OSBPL2: variants seen among roughly 807,000 people sequenced by gnomAD.
The protein encoded by OSBPL2 is oxysterol binding protein like 2, also known as oxysterol-binding protein-related protein 2.
In OSBPL2, 18 loss-of-function variants were observed where a neutral mutation model predicts 58.4. That is an observed-to-expected ratio of 0.31 (90% CI 0.21 to 0.46). The LOEUF (loss-of-function observed/expected upper bound fraction) is 0.46. Ranked by LOEUF, OSBPL2 falls within the 20% of genes least tolerant of loss-of-function variation. OSBPL2 has a pLI of 1.00. For synonymous variants in OSBPL2, 221 were observed against 234.1 expected (o/e 0.94, Z 0.51); for missense variants, 461 against 616.5 (o/e 0.75, Z 2.67).
At chr20:62,265,694 AT>A (rs1008704942) in intron 4 of OSBPL2, among the ~76,000 whole-genome samples, 2 of 152,046 alleles carry the variant, frequency 1.3e-5, no homozygotes, top group Non-Finnish European at 2.9e-5. Context: ...ACCATTTGAG[AT>A]TTTTTTTCTC....
chr20:62,282,001 T>A, intron 9 of OSBPL2, 122 bp downstream of exon 9: 2 of 611,402 alleles, frequency 3.3e-6, no homozygotes, highest in Non-Finnish European at 6.2e-6. Flanking sequence ...ACCAGTGCCA[T>A]CTGTTCATGG....
chr20:62,263,319 C>T (rs964995440), intron 3 of OSBPL2, among the ~76,000 whole-genome samples: 7 of 152,288 alleles, frequency 4.6e-5, no homozygotes, highest in South Asian at 2.1e-4. Flanking sequence ...CAGAGGGACT[C>T]CCTCCAGCTG....
intron 1 of OSBPL2, among the ~76,000 whole-genome samples, chr20:62,255,678 A>G (rs1388220278): frequency 4.6e-5 from 7 of 151,672 alleles, no homozygotes; most frequent in Non-Finnish European, 2.9e-5. Context: ...TAATTTTTGT[A>G]TTTTTAGTTA....
chr20:62,239,458 G>A (rs1048590885), intron 1 of OSBPL2, among the ~76,000 whole-genome samples: 1 of 152,196 alleles, frequency 6.6e-6, no homozygotes, highest in Non-Finnish European at 1.5e-5. Context: ...GGGTGTTGCA[G>A]GCTCTCCTGG....
intron 6 of OSBPL2, 53 bp downstream of exon 6, chr20:62,273,459 G>A (rs1982196198): frequency 3.8e-6 from 5 of 1,315,634 alleles, no homozygotes; most frequent in Admixed American, 3.7e-5. Flanking sequence ...TTCCTTGGAT[G>A]ACAGATAAGT....
intron 1 of OSBPL2, among the ~76,000 whole-genome samples, chr20:62,255,810 T>C (rs1393223947): frequency 6.6e-6 from 1 of 152,274 alleles, no homozygotes; most frequent in Admixed American, 6.5e-5. Flanking sequence ...CAGCCAATAA[T>C]GCTTTTTAGA....
intron 1 of OSBPL2, among the ~76,000 whole-genome samples, chr20:62,243,466 C>T (rs1601142862): frequency 1.6e-5 from 1 of 61,760 alleles, no homozygotes; most frequent in Non-Finnish European, 5.2e-5. Flanking sequence ...TGCCCCGCAG[C>T]GCCTGCCCGG....
At chr20:62,253,297 T>C (rs79842161) in intron 1 of OSBPL2, among the ~76,000 whole-genome samples, 174 of 152,312 alleles carry the variant, frequency 1.1e-3, no homozygotes, top group African/African-American at 4.1e-3. Context: ...CAGGATGCTA[T>C]CTCCTTGATT....
At position 62,273,468 on chromosome 20, in the gene OSBPL2, G is replaced by GT. The variant is rs1318088342; in HGVS notation, c.491+65dup. 2.4e-6 allele frequency: 3 copies of GT among 1,255,590 alleles called. No homozygotes were observed. The African/African-American group carries it at 4.5e-5, about 19-fold the overall frequency. 77.8% of individuals were successfully genotyped at this position (1,255,590 alleles called of 1,614,324 possible). A position where few individuals can be genotyped will look rare whatever the true frequency, so the allele number is the denominator to read the frequency against. On this transcript the variant is annotated intron_variant, in intron 6 of 13. Transcript: ENST00000313733. The stretch of plus-strand genomic sequence containing the variant: ...ATGGAATTCCTTGGATGACAGATAA[G>GT]TTTGATTCTTTCACTAGCATTGATT...
At chr20:62,267,404 A>C (rs1047450299) in intron 4 of OSBPL2, among the ~76,000 whole-genome samples, 1 of 152,084 alleles carries the variant, frequency 6.6e-6, no homozygotes, top group South Asian at 2.1e-4. Context: ...GGTCAGTGAG[A>C]GTCTCTTCAA....
At chr20:62,281,938 G>T in intron 9 of OSBPL2, 59 bp downstream of exon 9, 1 of 1,152,690 alleles carries the variant, frequency 8.7e-7, no homozygotes, top group South Asian at 1.2e-5. Context: ...CACGTTAGAA[G>T]GGCTCAGGTG....
intron 1 of OSBPL2, among the ~76,000 whole-genome samples, chr20:62,245,028 G>T (rs765981765): frequency 7.2e-5 from 11 of 152,226 alleles, no homozygotes; most frequent in Admixed American, 4.6e-4. Context: ...GTAGCACAGG[G>T]CCTTCCCGAG....
chr20:62,245,998 T>C (rs6061468), intron 1 of OSBPL2, among the ~76,000 whole-genome samples: 149,211 of 152,380 alleles, frequency 0.98, 73,130 homozygotes, highest in East Asian at 1. Context: ...GGCCTGGCGG[T>C]GTCCTTGACG....
intron 2 of OSBPL2, 60 bp from the exon 3 acceptor site, chr20:62,259,921 G>A: frequency 6.5e-7 from 1 of 1,527,010 alleles, no homozygotes; most frequent in East Asian, 2.3e-5. Context: ...ATTCTTGGAG[G>A]TAGGCTTTTA....
At chr20:62,274,790 G>T (rs890632003) in intron 6 of OSBPL2, among the ~76,000 whole-genome samples, 1 of 152,272 alleles carries the variant, frequency 6.6e-6, no homozygotes, top group African/African-American at 2.4e-5. Context: ...GCCACAGGCT[G>T]CTGGGCTGCA....
chr20:62,279,294 G>A lies in OSBPL2; in HGVS notation c.629G>A (p.Ser210Asn). ...IYPKLKFWGKSVEAEPRGTIT... is the reference protein window; with the variant it reads ...IYPKLKFWGKNVEAEPRGTIT... ...CCCAAGCTCAAGTTCTGGGGCAAAA[G>A]CGTGGAGGCGGAGCCCCGAGGCACC... The change falls in exon 7 of 14, where the codon AGC becomes AAC. Residue 210 changes from serine to asparagine, a missense_variant. Physicochemically the swap from Ser to Asn is conservative, Grantham distance 46. Around this residue, in one of 5 missense-constraint regions of OSBPL2, gnomAD observed 319 missense variants for 419.2 expected, o/e 0.76. Coordinates refer to ENST00000313733, the MANE Select transcript of OSBPL2 (RefSeq NM_144498.4). 6.2e-7 allele frequency: 1 copy of A among 1,614,234 alleles called. No homozygotes were observed. Among genetic ancestry groups the A allele is most frequent in the Non-Finnish European group, 8.5e-7 (1 of 1,180,040 alleles).
At chr20:62,283,383 CTTCCCGGGAGTCTGTGGTCACGGT>C (rs1476942421) in intron 9 of OSBPL2, among the ~76,000 whole-genome samples, 42 of 152,280 alleles carry the variant, frequency 2.8e-4, no homozygotes, top group African/African-American at 9.1e-4. Context: ...CAGAGTTGCA[CTTCCCGGGAGTCTGTGGTCACGGT>C]TGACTCTTCC....
At position 62,286,711 on chromosome 20, in the gene OSBPL2, G is replaced by C. The variant is rs1218147852; in HGVS notation, c.1125G>C (p.Gln375His). The change falls in exon 11 of 14, where the codon CAG becomes CAC. Residue 375 changes from glutamine (Q) to histidine (H), a missense_variant and splice_region_variant. Transcript: ENST00000313733. Reference sequence around the variant, plus strand: ...ACACCCGGCCCCCCAACTCTGCCCAGGTCTGTGTCCCTCCATGGCCTGACG... The same window carrying C: ...ACACCCGGCCCCCCAACTCTGCCCACGTCTGTGTCCCTCCATGGCCTGACG... ...RINTRPPNSA[Q>H]MYNFTSFTVS... 6.2e-7 allele frequency: 1 copy of C among 1,610,350 alleles called. No homozygotes were observed. The highest frequency in any genetic ancestry group is 8.5e-7 in the Non-Finnish European group (1 of 1,177,648).
In OSBPL2 at chr20:62,273,484, A is replaced by G. The variant is rs1045794905; in HGVS notation, c.491+78A>G. On this transcript the variant is annotated intron_variant, in intron 6 of 13. Transcript: ENST00000313733. ...GACAGATAAGTTTGATTCTTTCACT[A>G]GCATTGATTCCTCTGCTCTGAGAAT... 3 of 1,093,028 alleles carry G rather than the reference A, an allele frequency of 2.7e-6. No individual in the cohort carries two copies. In the Admixed American group the frequency reaches 5.9e-5, roughly 21 times the overall value. The allele number at this position is 1,093,028 out of a possible 1,614,324, so 67.7% of individuals were successfully genotyped here. A position where few individuals can be genotyped will look rare whatever the true frequency, so the allele number is the denominator to read the frequency against.
Sources: allele counts gnomAD v4.1 joint callset (sites outside exome capture counted in the v4.1 genomes callset), GRCh38; gene constraint gnomAD v4.1.1; regional missense constraint gnomAD v4.1.1; transcripts MANE v1.5; gene names NCBI Gene and HGNC (gene_info 2026-07-23, HGNC 2026-07-21).